DYNC2I1: variants seen among roughly 807,000 people sequenced by gnomAD.
The protein encoded by DYNC2I1 is dynein 2 intermediate chain 1.
Under a neutral mutation model 133.4 loss-of-function variants are expected in DYNC2I1, and 89 were observed. That is an observed-to-expected ratio of 0.67 (90% confidence interval 0.56 to 0.80). DYNC2I1 has a LOEUF of 0.80. Among genes scored for constraint, DYNC2I1 ranks in the 30% least tolerant of loss-of-function variants. DYNC2I1 has a pLI of 0.00. For synonymous variants in DYNC2I1, 504 were observed against 484.3 expected (o/e 1.04, Z -0.54); for missense variants, 1,291 against 1,314.5 (o/e 0.98, Z 0.28).
At chr7:158,898,465 A>G (rs1013923510) in intron 8 of DYNC2I1, among the ~76,000 whole-genome samples, 4 of 152,232 alleles carry the variant, frequency 2.6e-5, no homozygotes, top group Non-Finnish European at 5.9e-5. Context: ...TAAAATTGGC[A>G]TCTTTATCAT....
chr7:158,897,063 A>C (rs1355419080), intron 8 of DYNC2I1, among the ~76,000 whole-genome samples: 1 of 149,724 alleles, frequency 6.7e-6, no homozygotes, highest in East Asian at 2.0e-4. Context: ...AGATCGCTGC[A>C]GCCTCCACCT....
chr7:158,880,646 T>A (rs1294184988), intron 5 of DYNC2I1, among the ~76,000 whole-genome samples: 3 of 152,106 alleles, frequency 2.0e-5, no homozygotes, highest in Non-Finnish European at 2.9e-5. Flanking sequence ...TTAGCAAACG[T>A]TTCAACCAGA....
intron 23 of DYNC2I1, among the ~76,000 whole-genome samples, chr7:158,937,661 A>G (rs1357856998): frequency 6.7e-6 from 1 of 148,526 alleles, no homozygotes; most frequent in Non-Finnish European, 1.5e-5. Context: ...GCAGTGGCCC[A>G]TGCCTGTAAT....
intron 21 of DYNC2I1, among the ~76,000 whole-genome samples, chr7:158,932,599 TC>T (rs1422300687): frequency 2.0e-5 from 3 of 152,042 alleles, no homozygotes; most frequent in African/African-American, 7.2e-5. Flanking sequence ...ATAAAGGTGG[TC>T]AGGAGCCATT....
rs1851794564 is a variant in DYNC2I1 at position 158,945,504 on chromosome 7, G to C, written c.3003-77G>C. On this transcript the variant is annotated intron_variant, in intron 24 of 24. Coordinates refer to ENST00000407559, the MANE Select transcript of DYNC2I1 (RefSeq NM_018051.5). This position sits in a 1 kb window ranked among gnomAD's most constrained non-coding sequence, Gnocchi z 4.1. ...CGTTTCACTCTTCCCATGGAAGGTA[G>C]ACATTTTGAAGACTCAGACAGAACC... 7.0e-7 allele frequency: 1 copy of C among 1,427,844 alleles called. No individual in the cohort carries two copies. The highest frequency in any genetic ancestry group is 1.3e-5 in the South Asian group (1 of 74,782). 88.4% of individuals were successfully genotyped at this position (1,427,844 alleles called of 1,614,324 possible).
chr7:158,905,140 CTT>C (rs77389434), intron 10 of DYNC2I1: 6,317 of 326,164 alleles, frequency 0.019, no homozygotes, highest in East Asian at 0.027. Flanking sequence ...CTTTCTTTTT[CTT>C]TTTTTTTTTT....
At chr7:158,958,133 AGACACG>A (rs1193421020), downstream of DYNC2I1, among the ~76,000 whole-genome samples, 212 of 149,940 alleles carry the variant, frequency 1.4e-3, no homozygotes, top group Non-Finnish European at 1.9e-3. Flanking sequence ...CGTCAGCCAC[AGACACG>A]CCCCAGGTCG....
chr7:158,857,453 C>G (rs780881947), intron 1 of DYNC2I1, among the ~76,000 whole-genome samples: 1 of 151,986 alleles, frequency 6.6e-6, no homozygotes, highest in Non-Finnish European at 1.5e-5. Context: ...TACCTTCACT[C>G]CTATTATTTT....
intron 8 of DYNC2I1, among the ~76,000 whole-genome samples, chr7:158,892,767 C>T (rs1482055407): frequency 6.6e-6 from 1 of 151,954 alleles, no homozygotes; most frequent in African/African-American, 2.4e-5. Context: ...ATGGTGAAAC[C>T]CCATCGCTAC....
chr7:158,930,371 GA>G, intron 20 of DYNC2I1, 83 bp from the exon 21 acceptor site: 1 of 1,180,432 alleles, frequency 8.5e-7, no homozygotes, highest in Non-Finnish European at 1.2e-6. Flanking sequence ...TTTAAGCAAT[GA>G]AAAATGATTC....
At chr7:158,885,676 G>T (rs1216896110) in intron 6 of DYNC2I1, among the ~76,000 whole-genome samples, 1 of 152,066 alleles carries the variant, frequency 6.6e-6, no homozygotes, top group Admixed American at 6.6e-5. Context: ...ACTTTAATTT[G>T]TTCTTTCTGA....
chr7:158,853,668 T>C (rs1238985078), upstream of DYNC2I1, among the ~76,000 whole-genome samples: 1 of 151,912 alleles, frequency 6.6e-6, no homozygotes, highest in Non-Finnish European at 1.5e-5. Context: ...TTTTTTTTTT[T>C]TTTTAGATGG....
intron 4 of DYNC2I1, among the ~76,000 whole-genome samples, chr7:158,879,377 C>G (rs923621732): frequency 6.6e-6 from 1 of 152,064 alleles, no homozygotes; most frequent in African/African-American, 2.4e-5. Flanking sequence ...CATGAATACT[C>G]AAGTCCCCCA....
chr7:158,926,364 T>C (rs776694557), intron 18 of DYNC2I1, 38 bp from the exon 19 acceptor site: 1 of 1,603,802 alleles, frequency 6.2e-7, no homozygotes, highest in Non-Finnish European at 8.5e-7. Flanking sequence ...TTTCCTTATT[T>C]AAAGCCATTT....
chr7:158,870,527 AT>A (rs1554441828), intron 2 of DYNC2I1, among the ~76,000 whole-genome samples: 1 of 150,860 alleles, frequency 6.6e-6, no homozygotes, highest in Non-Finnish European at 1.5e-5. Context: ...TAATTTTTTA[AT>A]TTTTTAATTT....
At chr7:158,895,948 G>A (rs935817560) in intron 8 of DYNC2I1, among the ~76,000 whole-genome samples, 2 of 152,122 alleles carry the variant, frequency 1.3e-5, no homozygotes, top group Non-Finnish European at 2.9e-5. Context: ...ATAGGAAAGC[G>A]ACTGACTTTT....
intron 8 of DYNC2I1, among the ~76,000 whole-genome samples, chr7:158,900,584 C>T (rs528169304): frequency 6.6e-4 from 101 of 152,094 alleles, no homozygotes; most frequent in African/African-American, 2.3e-3. Flanking sequence ...TTCCTGGATG[C>T]GTGGTTTGGT....
chr7:158,950,057 C>A (rs1852009039), downstream of DYNC2I1, among the ~76,000 whole-genome samples: 1 of 152,130 alleles, frequency 6.6e-6, no homozygotes, highest in Admixed American at 6.5e-5. Context: ...AGGCATGAGC[C>A]ACCGTGCCCA....
intron 4 of DYNC2I1, 148 bp from the exon 5 acceptor site, chr7:158,879,536 G>A (rs1843781484): frequency 1.3e-6 from 1 of 775,636 alleles, no homozygotes; most frequent in Admixed American, 3.1e-5. Flanking sequence ...GAAAAAGTCT[G>A]TACATGTTTA....
Sources: allele counts gnomAD v4.1 joint callset (sites outside exome capture counted in the v4.1 genomes callset), GRCh38; gene constraint gnomAD v4.1.1; non-coding constraint Gnocchi (gnomAD v3.1); transcripts MANE v1.5; gene names NCBI Gene and HGNC (gene_info 2026-07-23, HGNC 2026-07-21).